The following PTPRD variants were observed in gnomAD, a reference collection of about 807,000 sequenced individuals.
PTPRD encodes the protein receptor-type tyrosine-protein phosphatase delta.
A neutral mutation model predicts 214.5 loss-of-function variants in PTPRD; 34 were observed. The ratio of observed to expected loss-of-function variants is 0.16; its 90% confidence interval spans 0.12 to 0.21. PTPRD has a LOEUF of 0.21. Ranked by LOEUF, PTPRD falls within the 10% of genes least tolerant of loss-of-function variation. The probability of loss-of-function intolerance (pLI) is 1.00; values close to 1 mark genes in which losing one functional copy is unlikely to be tolerated. For missense variants in PTPRD, 2,545 were observed against 2,398.7 expected, an observed-to-expected ratio of 1.06 and a Z score of -1.27; for synonymous variants, 1,128 against 845.7, an observed-to-expected ratio of 1.33 and a Z score of -5.79.
At chr9:9,904,061 T>C (rs1234772189) in intron 5 of PTPRD, among the ~76,000 whole-genome samples, 1 of 152,156 alleles carries the variant, frequency 6.6e-6, no homozygotes, top group Non-Finnish European at 1.5e-5. Flanking sequence ...CTGATGATAG[T>C]GAAAAGACAG....
rs556253608 is a variant in PTPRD, at chr9:10,376,398, AAAT to A, written c.-599-35384_-599-35382del. On this transcript the variant is annotated intron_variant, in intron 2 of 45. Coordinates refer to ENST00000381196, the MANE Select transcript of PTPRD (RefSeq NM_002839.4). ...TATAGAACAAATATGGTTATTTAAG[AAAT>A]AATATTAATATATTAAATGCATGCC... Among the ~76,000 whole-genome samples the A allele has an allele frequency of 7.2e-5, 11 of 151,922 alleles. No homozygotes were observed. The East Asian group carries it at 7.8e-4, about 11-fold the overall frequency.
intron 12 of PTPRD, among the ~76,000 whole-genome samples, chr9:8,655,856 A>C (rs2096899121): frequency 6.6e-6 from 1 of 152,018 alleles, no homozygotes; most frequent in Non-Finnish European, 1.5e-5. Flanking sequence ...CAAACCATTA[A>C]ATAGACAGTG....
chr9:9,612,401 G>C (rs1025587012), intron 7 of PTPRD, among the ~76,000 whole-genome samples: 5 of 152,164 alleles, frequency 3.3e-5, no homozygotes, highest in Non-Finnish European at 7.3e-5. Flanking sequence ...CATGTAACTA[G>C]CAGCAGATGT....
intron 4 of PTPRD, among the ~76,000 whole-genome samples, chr9:10,028,058 G>T (rs1361388514): frequency 2.0e-5 from 3 of 152,114 alleles, no homozygotes; most frequent in Non-Finnish European, 2.9e-5. Flanking sequence ...GTTGTGGGAG[G>T]GACCTGGTGG....
intron 2 of PTPRD, among the ~76,000 whole-genome samples, chr9:10,522,427 G>A (rs1005185616): frequency 1.3e-4 from 20 of 152,108 alleles, no homozygotes; most frequent in Non-Finnish European, 2.5e-4. Flanking sequence ...GAGAAAGCCT[G>A]TTTTATTTTT....
At chr9:9,401,961 C>T (rs373238379) in intron 8 of PTPRD, among the ~76,000 whole-genome samples, 1 of 152,018 alleles carries the variant, frequency 6.6e-6, no homozygotes, top group Non-Finnish European at 1.5e-5. Flanking sequence ...TTAAACCTCT[C>T]TCCTTTATAA....
intron 14 of PTPRD, among the ~76,000 whole-genome samples, chr9:8,614,273 C>T (rs2095540624): frequency 1.3e-5 from 2 of 152,234 alleles, no homozygotes; most frequent in African/African-American, 4.8e-5. Flanking sequence ...CCATTTCATA[C>T]AGTGGCAAAA....
At chr9:10,429,220 C>G (rs1414363728) in intron 2 of PTPRD, among the ~76,000 whole-genome samples, 1 of 151,802 alleles carries the variant, frequency 6.6e-6, no homozygotes, top group African/African-American at 2.4e-5. Flanking sequence ...GAAAACTTTT[C>G]TACACTGTTG....
intron 7 of PTPRD, among the ~76,000 whole-genome samples, chr9:9,711,831 T>G (rs1204777133): frequency 2.0e-5 from 3 of 152,186 alleles, no homozygotes; most frequent in Non-Finnish European, 4.4e-5. Flanking sequence ...TGAGCTGGAT[T>G]CACACAGCCT....
intron 9 of PTPRD, among the ~76,000 whole-genome samples, chr9:9,225,017 T>C (rs891060811): frequency 6.6e-6 from 1 of 152,058 alleles, no homozygotes; most frequent in Admixed American, 6.6e-5. Flanking sequence ...AACTCATTTA[T>C]ACACGTATAC....
At chr9:9,030,797 C>G (rs981692434) in intron 10 of PTPRD, among the ~76,000 whole-genome samples, 1 of 151,832 alleles carries the variant, frequency 6.6e-6, no homozygotes, top group Non-Finnish European at 1.5e-5. Flanking sequence ...AAAATGAATC[C>G]AATATGTATC....
intron 11 of PTPRD, among the ~76,000 whole-genome samples, chr9:8,758,209 C>T (rs1191581369): frequency 2.0e-5 from 3 of 152,156 alleles, no homozygotes; most frequent in African/African-American, 4.8e-5. Flanking sequence ...GTCAGCCTTT[C>T]TCAACTGCGG....
intron 8 of PTPRD, among the ~76,000 whole-genome samples, chr9:9,569,223 G>A (rs182217634): frequency 1.8e-4 from 27 of 151,430 alleles, no homozygotes; most frequent in Admixed American, 1.8e-3. Flanking sequence ...TGTTATAAGT[G>A]TAATGAAATT....
At chr9:10,487,415 C>T (rs942001524) in intron 2 of PTPRD, among the ~76,000 whole-genome samples, 1 of 152,120 alleles carries the variant, frequency 6.6e-6, no homozygotes, top group African/African-American at 2.4e-5. Context: ...AGGTAATTTT[C>T]TCCTGTGATA....
At position 10,595,601 on chromosome 9, in the gene PTPRD, T is replaced by A. The variant is rs183335297; in HGVS notation, c.-600+16797A>T. On this transcript the variant is annotated intron_variant, in intron 2 of 45. Transcript: ENST00000381196. ...CTATGATTTAAATATAATTTGCCTA[T>A]ATTATTTAATATTTCTGGGTACTTT... Among the ~76,000 whole-genome samples, 7 of 151,738 alleles carry A rather than the reference T, an allele frequency of 4.6e-5. No homozygotes were observed. The East Asian group carries it at 9.7e-4, about 21-fold the overall frequency.
chr9:8,461,976 C>G (rs2096420173), intron 32 of PTPRD, among the ~76,000 whole-genome samples: 1 of 151,816 alleles, frequency 6.6e-6, no homozygotes, highest in African/African-American at 2.4e-5. Context: ...AAGTTCTATT[C>G]TCTACTAGCA....
Position 8,341,137 on chromosome 9 carries a change from T to C in PTPRD, c.5079A>G (p.Gly1693=), listed in dbSNP as rs749182331. 1.2e-6 allele frequency: 2 copies of C among 1,612,972 alleles called. No individual in the cohort carries two copies. The highest frequency in any genetic ancestry group is 8.5e-7 in the Non-Finnish European group (1 of 1,179,428). ...CATTGATGTAATCAGATCCTTCTAC[T>C]CCACGGATAGGCTGCAGGCATACCC... is the stretch of plus-strand genomic sequence containing the variant. ...STRVCLQPIR[G]VEGSDYINAS... The change falls in exon 41 of 46, where the codon GGA becomes GGG. Residue 1693 remains glycine (G), a synonymous_variant. Transcript: ENST00000381196.
At chr9:8,551,266 T>C (rs2082032630) in intron 14 of PTPRD, among the ~76,000 whole-genome samples, 1 of 152,198 alleles carries the variant, frequency 6.6e-6, no homozygotes, top group African/African-American at 2.4e-5. Flanking sequence ...TTTTTCAATT[T>C]CAGAAGCCAT....
At position 8,616,967 on chromosome 9, in the gene PTPRD, C is replaced by T. The variant is rs750760246; in HGVS notation, c.352+16350G>A. Among the ~76,000 whole-genome samples, 10 of 152,096 alleles carry T rather than the reference C, an allele frequency of 6.6e-5. 1 individual carries two copies. Among genetic ancestry groups the T allele is most frequent in the African/African-American group, 9.7e-5 (4 of 41,432 alleles). ...GAAGTTCAGTTGGTAGTGGTTTAAT[C>T]GGGGATTATCAGTGTATAAAATGGC... On this transcript the variant is annotated intron_variant, in intron 14 of 45. Coordinates refer to ENST00000381196, the MANE Select transcript of PTPRD (RefSeq NM_002839.4).
Sources: allele counts gnomAD v4.1 joint callset (sites outside exome capture counted in the v4.1 genomes callset), GRCh38; gene constraint gnomAD v4.1.1; transcripts MANE v1.5; gene names NCBI Gene and HGNC (gene_info 2026-07-23, HGNC 2026-07-21).